CTNND2: variants seen among roughly 807,000 people sequenced by gnomAD.
CTNND2 encodes the protein catenin delta 2, also known as catenin delta-2.
A neutral mutation model predicts 144.4 loss-of-function variants in CTNND2; 22 were observed. The observed-to-expected ratio is 0.15, with a 90% CI of 0.11 to 0.22. The LOEUF (loss-of-function observed/expected upper bound fraction) is 0.22. Among genes scored for constraint, CTNND2 ranks in the 10% least tolerant of loss-of-function variants. CTNND2 has a pLI of 1.00. For missense variants in CTNND2, 1,353 were observed against 1,618.8 expected, an observed-to-expected ratio of 0.84 and a Z score of 2.82; for synonymous variants, 751 against 695.6, an observed-to-expected ratio of 1.08 and a Z score of -1.25.
chr5:11,370,926 T>C (rs10462667), intron 7 of CTNND2, among the ~76,000 whole-genome samples: 8,043 of 152,252 alleles, frequency 0.053, 524 homozygotes, highest in East Asian at 0.23. Context: ...TCTTATGATA[T>C]GAAGAAAAAT....
At chr5:11,482,674 T>C (rs868198500) in intron 3 of CTNND2, among the ~76,000 whole-genome samples, 5 of 152,040 alleles carry the variant, frequency 3.3e-5, no homozygotes, top group Middle Eastern at 6.8e-3. Context: ...TTTAAATTGG[T>C]TGGTGGTAAA....
chr5:10,981,907 T>G, intron 20 of CTNND2, 61 bp from the exon 21 acceptor site: 1 of 1,439,060 alleles, frequency 6.9e-7, no homozygotes, highest in South Asian at 1.2e-5. Flanking sequence ...TAAGGAATAG[T>G]TGTTATTGAA....
intron 1 of CTNND2, among the ~76,000 whole-genome samples, chr5:11,835,915 T>C (rs377075430): frequency 1.3e-5 from 2 of 152,224 alleles, no homozygotes; most frequent in East Asian, 1.9e-4. Context: ...ATTAGATTAC[T>C]GTTTAGGACC....
At chr5:11,668,671 T>A (rs1172155359) in intron 2 of CTNND2, among the ~76,000 whole-genome samples, 1 of 152,146 alleles carries the variant, frequency 6.6e-6, no homozygotes, top group Non-Finnish European at 1.5e-5. Flanking sequence ...GGGCTTGAGA[T>A]GATGGGGTTT....
chr5:11,795,272 C>T (rs1791342239), intron 1 of CTNND2, among the ~76,000 whole-genome samples: 1 of 152,064 alleles, frequency 6.6e-6, no homozygotes, highest in African/African-American at 2.4e-5. Flanking sequence ...GAGGAAGCGA[C>T]CCTTCAGCTG....
At chr5:11,579,222 T>C (rs758267294) in intron 2 of CTNND2, among the ~76,000 whole-genome samples, 2 of 151,746 alleles carry the variant, frequency 1.3e-5, no homozygotes, top group Non-Finnish European at 2.9e-5. Flanking sequence ...AAAGGATAGA[T>C]CCATATTTGC....
chr5:11,783,803 A>G (rs1353531387), intron 1 of CTNND2, among the ~76,000 whole-genome samples: 1 of 152,218 alleles, frequency 6.6e-6, no homozygotes, highest in Non-Finnish European at 1.5e-5. Flanking sequence ...AGCAGATGAC[A>G]TAATTCCTAC....
intron 1 of CTNND2, among the ~76,000 whole-genome samples, chr5:11,813,287 G>A (rs969778301): frequency 3.3e-5 from 5 of 152,104 alleles, no homozygotes; most frequent in African/African-American, 4.8e-5. Context: ...TTCGCATAAC[G>A]ACGAAGTGCC....
At chr5:11,273,738 C>T (rs532179642) in intron 9 of CTNND2, among the ~76,000 whole-genome samples, 163 of 152,212 alleles carry the variant, frequency 1.1e-3, no homozygotes, top group African/African-American at 3.7e-3. Context: ...TATTGGGCAA[C>T]CTCATGTTTA....
intron 7 of CTNND2, among the ~76,000 whole-genome samples, chr5:11,373,463 T>G (rs913845807): frequency 6.6e-6 from 1 of 152,170 alleles, no homozygotes; most frequent in Non-Finnish European, 1.5e-5. Flanking sequence ...GAGGCAAGTA[T>G]CTAGGTTCCC....
intron 9 of CTNND2, among the ~76,000 whole-genome samples, chr5:11,310,808 C>T (rs1337265435): frequency 6.7e-6 from 1 of 150,276 alleles, no homozygotes; most frequent in Non-Finnish European, 1.5e-5. Context: ...CACCCTCACC[C>T]CACATGCACT....
intron 19 of CTNND2, among the ~76,000 whole-genome samples, chr5:10,989,628 C>T (rs35447955): frequency 7.4e-4 from 113 of 152,246 alleles, no homozygotes; most frequent in African/African-American, 1.7e-3. Flanking sequence ...GGTCTGTGGT[C>T]CCCCAAGGCA....
intron 3 of CTNND2, among the ~76,000 whole-genome samples, chr5:11,495,876 C>T (rs1428949199): frequency 6.6e-6 from 1 of 152,148 alleles, no homozygotes; most frequent in Non-Finnish European, 1.5e-5. Flanking sequence ...CTCCCACTCC[C>T]CCCAGTGACT....
chr5:11,614,969 T>C (rs1450147792), intron 2 of CTNND2, among the ~76,000 whole-genome samples: 1 of 152,048 alleles, frequency 6.6e-6, no homozygotes, highest in African/African-American at 2.4e-5. Flanking sequence ...ATGCAAAATA[T>C]GTGTTTTGTC....
intron 9 of CTNND2, among the ~76,000 whole-genome samples, chr5:11,319,714 T>G (rs994092125): frequency 1.1e-4 from 16 of 152,130 alleles, no homozygotes; most frequent in African/African-American, 3.9e-4. Context: ...AGAGACAGGG[T>G]TTCACCATGT....
intron 1 of CTNND2, among the ~76,000 whole-genome samples, chr5:11,854,057 G>A (rs1324501586): frequency 2.6e-5 from 4 of 152,244 alleles, no homozygotes; most frequent in East Asian, 1.9e-4. Flanking sequence ...CTGAGCATTC[G>A]TTCTCCTAAG....
intron 1 of CTNND2, among the ~76,000 whole-genome samples, chr5:11,893,564 C>T (rs1181832007): frequency 6.6e-6 from 1 of 152,160 alleles, no homozygotes; most frequent in Non-Finnish European, 1.5e-5. Flanking sequence ...GAAATTCCTG[C>T]ATTTACCAGG....
chr5:11,733,403 G>A (rs1472695583), intron 1 of CTNND2, among the ~76,000 whole-genome samples: 1 of 152,056 alleles, frequency 6.6e-6, no homozygotes, highest in Non-Finnish European at 1.5e-5. Flanking sequence ...GGCGTGTATG[G>A]GAAAAAACCC....
chr5:11,031,013 G>A (rs1175313787), intron 16 of CTNND2, among the ~76,000 whole-genome samples: 1 of 152,126 alleles, frequency 6.6e-6, no homozygotes, highest in African/African-American at 2.4e-5. Flanking sequence ...TTCTGAGCAT[G>A]AGAGTTTCCC....
Sources: gnomAD v4.1 joint callset for allele counts (sites outside exome capture counted in the v4.1 genomes callset) on GRCh38, gnomAD v4.1.1 for gene constraint, MANE v1.5 for transcripts, NCBI Gene and HGNC (gene_info 2026-07-23, HGNC 2026-07-21) for gene names.